The following ZFAND4 variants were observed in gnomAD, a reference collection of about 807,000 sequenced individuals.
The protein encoded by ZFAND4 is zinc finger AN1-type containing 4, also known as AN1-type zinc finger protein 4.
ZFAND4 carries 43 observed loss-of-function variants against 64.4 expected under a neutral mutation model. That is an observed-to-expected ratio of 0.67 (90% CI 0.52 to 0.86). ZFAND4 has a LOEUF of 0.86. ZFAND4 is among the 40% of genes least tolerant of loss of function. The probability of loss-of-function intolerance (pLI) is 0.00; values close to 1 mark genes in which losing one functional copy is unlikely to be tolerated. For missense variants in ZFAND4, 929 were observed against 859.8 expected (o/e 1.08, Z -1.01); for synonymous variants, 296 against 305.7 (o/e 0.97, Z 0.33).
chr10:45,635,019 A>C (rs555982111), intron 6 of ZFAND4, among the ~76,000 whole-genome samples: 32 of 151,986 alleles, frequency 2.1e-4, no homozygotes, highest in Non-Finnish European at 3.7e-4. Context: ...AAAATATTCC[A>C]TGTTCATGAG....
At chr10:45,659,158 C>T (rs2048317251) in intron 2 of ZFAND4, among the ~76,000 whole-genome samples, 1 of 152,128 alleles carries the variant, frequency 6.6e-6, no homozygotes, top group Non-Finnish European at 1.5e-5. Flanking sequence ...CTCTAGCCTC[C>T]CTACCTCACC....
chr10:45,650,670 C>A (rs1443071846), intron 4 of ZFAND4: 1 of 152,004 alleles, frequency 6.6e-6, no homozygotes, highest in South Asian at 2.1e-4. Context: ...AACCAACTTT[C>A]AAAAATGTAA....
At chr10:45,618,083 C>A (rs2045133354) in intron 9 of ZFAND4, 57 bp downstream of exon 9, 3 of 1,559,626 alleles carry the variant, frequency 1.9e-6, no homozygotes, top group Non-Finnish European at 2.6e-6. Flanking sequence ...TTTGCATAAT[C>A]CCCAAGCTGG....
intron 2 of ZFAND4, among the ~76,000 whole-genome samples, chr10:45,658,947 T>C (rs1368113728): frequency 6.6e-6 from 1 of 152,060 alleles, no homozygotes; most frequent in Admixed American, 6.5e-5. Context: ...AGAAATTAGG[T>C]AGTAAGGTAA....
chr10:45,664,705 A>G (rs755038140), intron 1 of ZFAND4, among the ~76,000 whole-genome samples: 14 of 151,744 alleles, frequency 9.2e-5, no homozygotes, highest in Non-Finnish European at 1.8e-4. Context: ...ATGGCAGATC[A>G]TGATGAGGTC....
In ZFAND4 at chr10:45,616,196, T is replaced by C. The variant is rs575226893; in HGVS notation, c.*240A>G. Reference sequence around the variant, plus strand: ...TATACAAAACACTTAACACAAGACATGCAATAACAAAGCTAAATCATTCCA... The same window carrying C: ...TATACAAAACACTTAACACAAGACACGCAATAACAAAGCTAAATCATTCCA... On this transcript the variant is annotated 3_prime_UTR_variant, in exon 10 of 10. Transcript: ENST00000344646. The C allele has an allele frequency of 3.1e-5, 15 of 484,544 alleles. No individual in the cohort carries two copies. Among genetic ancestry groups the C allele is most frequent in the African/African-American group, 2.8e-4 (14 of 50,672 alleles). The allele number at this position is 484,544 out of a possible 1,614,324, so 30.0% of individuals were successfully genotyped here.
Position 45,626,315 on chromosome 10 carries a change from T to C in ZFAND4, c.1508A>G (p.Gln503Arg), listed in dbSNP as rs763626020. 6.2e-7 allele frequency: 1 copy of C among 1,614,224 alleles called. No individual in the cohort carries two copies. The highest frequency in any genetic ancestry group is 1.7e-5 in the Admixed American group (1 of 60,024). ...QSKCFEFGKL[Q>R]PSSSQSLDVQ... is the part of the protein sequence containing the mutation. Reference sequence around the variant, plus strand: ...ATCCAGTGACTGAGAAGAAGAAGGCTGTAGCTTCCCAAACTCAAAACATTT... The same window carrying C: ...ATCCAGTGACTGAGAAGAAGAAGGCCGTAGCTTCCCAAACTCAAAACATTT... The change falls in exon 7 of 10, where the codon CAG becomes CGG. Residue 503 changes from glutamine (Q) to arginine (R), a missense_variant. Coordinates refer to ENST00000344646, the MANE Select transcript of ZFAND4 (RefSeq NM_174890.4).
chr10:45,640,086 A>G (rs2046882453), intron 5 of ZFAND4, 123 bp from the exon 6 acceptor site: 3 of 1,329,976 alleles, frequency 2.3e-6, no homozygotes, highest in African/African-American at 1.5e-5. Context: ...CATTTTGTCA[A>G]TGTTAATGTC....
intron 2 of ZFAND4, among the ~76,000 whole-genome samples, chr10:45,660,109 C>T (rs1006779209): frequency 2.7e-5 from 4 of 149,634 alleles, no homozygotes; most frequent in Admixed American, 2.0e-4. Context: ...TTGCAGTGAG[C>T]CAAGATCACA....
At chr10:45,650,983 T>C (rs980869150) in intron 4 of ZFAND4, 2 of 152,128 alleles carry the variant, frequency 1.3e-5, no homozygotes, top group African/African-American at 4.8e-5. Flanking sequence ...CCTCTTGAAA[T>C]AGCTAAGAAA....
chr10:45,626,710 T>C lies in ZFAND4; in HGVS notation c.1113A>G (p.Leu371=). 1 of 1,614,232 alleles carries C rather than the reference T, an allele frequency of 6.2e-7. No individual in the cohort carries two copies. Among genetic ancestry groups the C allele is most frequent in the South Asian group, 1.1e-5 (1 of 91,090 alleles). Reference sequence around the variant, plus strand: ...TCCCATTACTAGATGGCAAGTTTCCTAAAAAATGTTTTGTTTGCCTAGGCA... The same window carrying C: ...TCCCATTACTAGATGGCAAGTTTCCCAAAAAATGTTTTGTTTGCCTAGGCA... ...SSLPRQTKHF[L]GNLPSSNGNI... Residue 371 remains leucine (L), a synonymous_variant, in exon 7 of 10, where the codon TTA becomes TTG. Coordinates refer to ENST00000344646, the MANE Select transcript of ZFAND4 (RefSeq NM_174890.4).
intron 6 of ZFAND4, among the ~76,000 whole-genome samples, chr10:45,629,103 G>A (rs1371569965): frequency 1.3e-5 from 2 of 151,864 alleles, no homozygotes; most frequent in Non-Finnish European, 2.9e-5. Context: ...TTGAGACAGG[G>A]TCTGGCTCTG....
intron 5 of ZFAND4, among the ~76,000 whole-genome samples, chr10:45,642,844 AAATAT>A (rs889223171): frequency 1.6e-4 from 24 of 151,448 alleles, no homozygotes; most frequent in African/African-American, 2.7e-4. Context: ...CTTTATATTT[AAATAT>A]AATATAACAT....
chr10:45,663,612 T>G lies in ZFAND4; in HGVS notation c.114A>C (p.Thr38=), dbSNP rs745517258. 1 of 1,611,198 alleles carries G rather than the reference T, an allele frequency of 6.2e-7. No individual in the cohort carries two copies. Among genetic ancestry groups the G allele is most frequent in the Non-Finnish European group, 8.5e-7 (1 of 1,179,304 alleles). ...AAGGTGAAACTCTCAGCTCAAAACA[T>G]GTTCCAGTTAATGTTTCAATGAAGA... ...MELFIETLTG[T]CFELRVSPFE... Residue 38 remains threonine, a synonymous_variant, in exon 2 of 10, where the codon ACA becomes ACC. Transcript: ENST00000344646.
intron 4 of ZFAND4, chr10:45,648,816 A>G (rs949476113): frequency 4.2e-5 from 24 of 572,078 alleles, no homozygotes; most frequent in Non-Finnish European, 5.1e-5. Context: ...ATTATAGTCT[A>G]TATTTTTTCC....
chr10:45,635,195 C>CAAAAAAAAAAAAAAAAAACAAAAA (rs2046478075), intron 6 of ZFAND4, among the ~76,000 whole-genome samples: 2 of 27,634 alleles, frequency 7.2e-5, no homozygotes, highest in Non-Finnish European at 1.2e-4. Context: ...GCCATCTAAG[C>CAAAAAAAAAAAAAAAAAACAAAAA]AAAAAAAAAA....
rs1479753900 is a variant in ZFAND4 at position 45,624,605 on chromosome 10, A to G, written c.1905T>C (p.Asn635=). ...TACCTACGCTTTTCCCTGCTGCTGC[A>G]TTATTTCCATTCATTCCAACACCAT... ...STHGVGMNGN[N]AAAGKSVGEC... is the part of the protein sequence containing the mutation. The change falls in exon 8 of 10, where the codon AAT becomes AAC. Residue 635 remains asparagine, a synonymous_variant. Transcript: ENST00000344646. The G allele has an allele frequency of 6.2e-7, 1 of 1,613,976 alleles. No individual in the cohort carries two copies. The highest frequency in any genetic ancestry group is 2.2e-5 in the East Asian group (1 of 44,840).
At chr10:45,668,907 A>G (rs1589456370) in intron 1 of ZFAND4, among the ~76,000 whole-genome samples, 2 of 152,272 alleles carry the variant, frequency 1.3e-5, no homozygotes, top group South Asian at 2.1e-4. Flanking sequence ...CAGTGTGTAC[A>G]GGGAAATTTA....
chr10:45,661,294 C>T (rs993662857), intron 2 of ZFAND4, among the ~76,000 whole-genome samples: 3 of 152,116 alleles, frequency 2.0e-5, no homozygotes, highest in East Asian at 1.9e-4. Flanking sequence ...AGCATGGCTT[C>T]GGCACTCCAG....
Sources: gnomAD v4.1 joint callset for allele counts (sites outside exome capture counted in the v4.1 genomes callset) on GRCh38, gnomAD v4.1.1 for gene constraint, MANE v1.5 for transcripts, NCBI Gene and HGNC (gene_info 2026-07-23, HGNC 2026-07-21) for gene names.